The following C12orf75 variants were observed in gnomAD, a reference collection of about 807,000 sequenced individuals.
C12orf75 encodes overexpressed in colon carcinoma 1 protein.
C12orf75 carries 4 observed loss-of-function variants against 11.4 expected under a neutral mutation model. That is an observed-to-expected ratio of 0.35 (90% CI 0.17 to 0.80). The LOEUF (loss-of-function observed/expected upper bound fraction) is 0.80, where lower values mean the gene tolerates loss of function less well. C12orf75 is among the 30% of genes least tolerant of loss of function. C12orf75 has a pLI of 0.52. For synonymous variants in C12orf75, 30 were observed against 30.0 expected, an observed-to-expected ratio of 1.00 and a Z score of 0.00; for missense variants, 89 against 80.4, an observed-to-expected ratio of 1.11 and a Z score of -0.41.
chr12:105,360,744 C>T (rs937886638), intron 2 of C12orf75, among the ~76,000 whole-genome samples: 10 of 152,030 alleles, frequency 6.6e-5, no homozygotes, highest in Admixed American at 3.9e-4. Flanking sequence ...CACTGTCTCC[C>T]GGGCTCAGGT....
intron 1 of C12orf75, among the ~76,000 whole-genome samples, chr12:105,338,207 C>T (rs1892520004): frequency 6.6e-6 from 1 of 152,176 alleles, no homozygotes; most frequent in Non-Finnish European, 1.5e-5. Context: ...TGGAGTCTTG[C>T]TCTGTCACCC....
rs1470879367 is a variant in C12orf75, at chr12:105,366,670, C to G, written c.161C>G (p.Ser54Cys). 4 of 1,539,926 alleles carry G rather than the reference C, an allele frequency of 2.6e-6. No homozygotes were observed. Residue 54 changes from serine to cysteine, a missense_variant, in exon 4 of 6, where the codon TCC becomes TGC. Ser to Cys is a moderately radical substitution (Grantham distance 112). Coordinates refer to ENST00000443585, the MANE Select transcript of C12orf75 (RefSeq NM_001145199.2). ...CCATCTGAAGCTGTCAATATGGTGT[C>G]CAGTCAAACAAAGACGGTTCGGAAA... ...GLPSEAVNMV[S>C]SQTKTVRKN is the part of the protein sequence containing the mutation.
intron 1 of C12orf75, among the ~76,000 whole-genome samples, chr12:105,344,494 G>GAT (rs1471667404): frequency 5.9e-5 from 9 of 152,268 alleles, no homozygotes; most frequent in African/African-American, 1.9e-4. Flanking sequence ...TGTAATCCCA[G>GAT]TACTTGGGGA....
At chr12:105,347,510 T>G (rs1328118608) in intron 1 of C12orf75, among the ~76,000 whole-genome samples, 1 of 152,204 alleles carries the variant, frequency 6.6e-6, no homozygotes, top group Non-Finnish European at 1.5e-5. Context: ...AGTCCGATAT[T>G]CGAGGGCAGG....
intron 1 of C12orf75, among the ~76,000 whole-genome samples, chr12:105,341,648 G>T (rs571971321): frequency 9.2e-5 from 14 of 152,318 alleles, no homozygotes; most frequent in African/African-American, 3.1e-4. Context: ...GTCTGGAAGT[G>T]TCCCAAGTGC....
chr12:105,368,947 T>C (rs1871557640), intron 5 of C12orf75, among the ~76,000 whole-genome samples: 1 of 152,226 alleles, frequency 6.6e-6, no homozygotes, highest in Admixed American at 6.5e-5. Flanking sequence ...CATATAGATT[T>C]CTGAGTTCTC....
chr12:105,355,433 G>A (rs1256917363), intron 2 of C12orf75, among the ~76,000 whole-genome samples: 1 of 152,158 alleles, frequency 6.6e-6, no homozygotes, highest in Non-Finnish European at 1.5e-5. Context: ...CTCCCAAAGT[G>A]CTAGGATTAC....
intron 2 of C12orf75, among the ~76,000 whole-genome samples, chr12:105,352,418 T>C (rs1892724230): frequency 6.6e-6 from 1 of 152,184 alleles, no homozygotes; most frequent in Non-Finnish European, 1.5e-5. Flanking sequence ...CAGAATATAC[T>C]GTATTAGAAA....
At chr12:105,354,656 C>A (rs950914992) in intron 2 of C12orf75, among the ~76,000 whole-genome samples, 2 of 152,030 alleles carry the variant, frequency 1.3e-5, no homozygotes, top group African/African-American at 2.4e-5. Context: ...GGCAGAAGAC[C>A]CAGCATATTG....
At chr12:105,339,449 G>GT (rs1426259902) in intron 1 of C12orf75, among the ~76,000 whole-genome samples, 3 of 144,648 alleles carry the variant, frequency 2.1e-5, no homozygotes, top group African/African-American at 5.2e-5. Flanking sequence ...GGGTGTGTGT[G>GT]TGTGTGAATT....
chr12:105,351,793 G>T (rs1892717250), intron 2 of C12orf75, among the ~76,000 whole-genome samples: 1 of 152,164 alleles, frequency 6.6e-6, no homozygotes, highest in Non-Finnish European at 1.5e-5. Context: ...GAAAGATGAG[G>T]TTGATGGGCA....
intron 2 of C12orf75, among the ~76,000 whole-genome samples, chr12:105,349,203 C>T (rs1892680550): frequency 6.6e-6 from 1 of 152,208 alleles, no homozygotes; most frequent in Non-Finnish European, 1.5e-5. Context: ...TCTCTGCATC[C>T]TCCTGCCTCT....
intron 2 of C12orf75, among the ~76,000 whole-genome samples, chr12:105,350,764 T>G (rs1462340536): frequency 2.6e-5 from 4 of 152,202 alleles, no homozygotes; most frequent in African/African-American, 9.7e-5. Context: ...ATAGTTTGTG[T>G]TGAATAAATA....
chr12:105,344,833 C>G (rs139629830), intron 1 of C12orf75, among the ~76,000 whole-genome samples: 268 of 152,082 alleles, frequency 1.8e-3, no homozygotes, highest in African/African-American at 5.8e-3. Flanking sequence ...GAGTCAAAGG[C>G]TCATCTCTGG....
intron 1 of C12orf75, among the ~76,000 whole-genome samples, chr12:105,331,600 A>G (rs1892425743): frequency 6.7e-6 from 1 of 150,028 alleles, no homozygotes. Flanking sequence ...AAACACACAC[A>G]CACACACACA....
intron 1 of C12orf75, among the ~76,000 whole-genome samples, chr12:105,344,156 G>T (rs1240589862): frequency 6.6e-6 from 1 of 152,140 alleles, no homozygotes; most frequent in African/African-American, 2.4e-5. Context: ...AGCACTGAAT[G>T]CACAACATGT....
chr12:105,370,268 G>C (rs1038310030), intron 5 of C12orf75, among the ~76,000 whole-genome samples: 10 of 152,210 alleles, frequency 6.6e-5, no homozygotes, highest in African/African-American at 1.9e-4. Context: ...TAATGTGGAG[G>C]CCTAGGCTCT....
chr12:105,338,993 A>G lies in C12orf75; in HGVS notation c.46+8056A>G, dbSNP rs1037177352. Reference sequence around the variant, plus strand: ...TTGACATAATTTTATGTCAATATATAATTTTATATTTCTAGGACACATTGA... The same window carrying G: ...TTGACATAATTTTATGTCAATATATGATTTTATATTTCTAGGACACATTGA... On this transcript the variant is annotated intron_variant, in intron 1 of 5. Coordinates refer to ENST00000443585, the MANE Select transcript of C12orf75 (RefSeq NM_001145199.2). 3.0e-4 allele frequency among the ~76,000 whole-genome samples: 45 copies of G among 152,180 alleles called. 1 individual carries two copies. Among genetic ancestry groups the G allele is most frequent in the Non-Finnish European group, 1.0e-4 (7 of 68,038 alleles).
chr12:105,343,810 C>T (rs1892603100), intron 1 of C12orf75, among the ~76,000 whole-genome samples: 1 of 151,850 alleles, frequency 6.6e-6, no homozygotes, highest in Non-Finnish European at 1.5e-5. Flanking sequence ...TGTTACCTTG[C>T]TTCTAAGATG....
Sources: gnomAD v4.1 joint callset for allele counts (sites outside exome capture counted in the v4.1 genomes callset) on GRCh38, gnomAD v4.1.1 for gene constraint, MANE v1.5 for transcripts, NCBI Gene and HGNC (gene_info 2026-07-23, HGNC 2026-07-21) for gene names.